GHR: variants seen among roughly 807,000 people sequenced by gnomAD.
The protein encoded by GHR is growth hormone receptor.
Under a neutral mutation model 67.1 loss-of-function variants are expected in GHR, and 35 were observed. That is an observed-to-expected ratio of 0.52 (90% CI 0.40 to 0.69). GHR has a LOEUF of 0.69. Among genes scored for constraint, GHR ranks in the 30% least tolerant of loss-of-function variants. The pLI, the probability that GHR is intolerant of heterozygous loss-of-function variation, is 0.00. For missense variants in GHR, 792 were observed against 764.6 expected, an observed-to-expected ratio of 1.04 and a Z score of -0.42; for synonymous variants, 272 against 269.1, an observed-to-expected ratio of 1.01 and a Z score of -0.10.
chr5:42,534,274 A>ATG (rs1748135124), intron 1 of GHR, among the ~76,000 whole-genome samples: 2 of 136,204 alleles, frequency 1.5e-5, no homozygotes, highest in African/African-American at 3.0e-5. Flanking sequence ...ATATGTGTAT[A>ATG]TATGTATATA....
intron 1 of GHR, among the ~76,000 whole-genome samples, chr5:42,489,988 A>G (rs912833587): frequency 6.6e-6 from 1 of 152,256 alleles, no homozygotes; most frequent in Non-Finnish European, 1.5e-5. Flanking sequence ...AAGAAAATAT[A>G]GCAAGAACAT....
intron 1 of GHR, among the ~76,000 whole-genome samples, chr5:42,552,629 C>A (rs1749096303): frequency 1.3e-5 from 2 of 152,144 alleles, no homozygotes; most frequent in South Asian, 4.1e-4. Flanking sequence ...GCCAATACAC[C>A]AAAATGCCAA....
At position 42,718,323 on chromosome 5, in the gene GHR, A is replaced by G. The variant is rs1758824508; in HGVS notation, c.946-130A>G. On this transcript the variant is annotated intron_variant, in intron 9 of 9. Coordinates refer to ENST00000230882, the MANE Select transcript of GHR (RefSeq NM_000163.5). ...TATTTAAAAAGTTACACACTAATTT[A>G]TGTTTTTTTATATGTTTTGTTACTG... 6 of 716,484 alleles carry G rather than the reference A, an allele frequency of 8.4e-6. No homozygotes were observed. The East Asian group carries it at 8.6e-5, about 10-fold the overall frequency. 44.4% of individuals were successfully genotyped at this position (716,484 alleles called of 1,614,324 possible). A position where few individuals can be genotyped will look rare whatever the true frequency, so the allele number is the denominator to read the frequency against.
Position 42,719,425 on chromosome 5 carries a change from C to G in GHR, c.*1C>G. The stretch of plus-strand genomic sequence containing the variant: ...CCAACTGAACAAAATCATGCCTTAG[C>G]CTTTCTTTGGTTTCCCAAGAGCTAC... On this transcript the variant is annotated 3_prime_UTR_variant, in exon 10 of 10. Coordinates refer to ENST00000230882, the MANE Select transcript of GHR (RefSeq NM_000163.5). 1.9e-6 allele frequency: 3 copies of G among 1,611,770 alleles called. No individual in the cohort carries two copies. Among genetic ancestry groups the G allele is most frequent in the Non-Finnish European group, 2.5e-6 (3 of 1,179,712 alleles).
rs72753088 is a variant in GHR, at chr5:42,467,719, A to G, written c.-12+43764A>G. ...GGCCTTCCCACACTCATGACATTCA[A>G]AAGGTTTCTCCCCGGTGTGGATTCT... is the stretch of plus-strand genomic sequence containing the variant. On this transcript the variant is annotated intron_variant, in intron 1 of 9. Coordinates refer to ENST00000230882, the MANE Select transcript of GHR (RefSeq NM_000163.5). 12,540 of 1,569,948 alleles carry G rather than the reference A, an allele frequency of 8.0e-3. 77 individuals are homozygous for G. Among genetic ancestry groups the G allele is most frequent in the Non-Finnish European group, 0.01 (11,848 of 1,141,692 alleles).
intron 1 of GHR, among the ~76,000 whole-genome samples, chr5:42,476,983 T>G (rs1459642256): frequency 1.3e-5 from 2 of 151,960 alleles, no homozygotes; most frequent in Non-Finnish European, 2.9e-5. Context: ...CTGCACCCAT[T>G]AACTCGTCAT....
intron 6 of GHR, among the ~76,000 whole-genome samples, chr5:42,710,264 G>A (rs1277978776): frequency 6.6e-6 from 1 of 152,158 alleles, no homozygotes; most frequent in Non-Finnish European, 1.5e-5. Flanking sequence ...TGAAGGCCCA[G>A]CTGCTGACTT....
intron 3 of GHR, among the ~76,000 whole-genome samples, chr5:42,635,192 C>G (rs1388765050): frequency 2.0e-5 from 3 of 152,156 alleles, no homozygotes; most frequent in Admixed American, 6.5e-5. Flanking sequence ...TGTTGGCTCT[C>G]TCTTGTACCC....
At chr5:42,682,211 T>C (rs1210822405) in intron 3 of GHR, among the ~76,000 whole-genome samples, 1 of 152,196 alleles carries the variant, frequency 6.6e-6, no homozygotes, top group Non-Finnish European at 1.5e-5. Flanking sequence ...CTTAACTCAT[T>C]GTTCTTAGTG....
intron 1 of GHR, among the ~76,000 whole-genome samples, chr5:42,466,195 G>A (rs755324267): frequency 6.6e-6 from 1 of 152,054 alleles, no homozygotes; most frequent in African/African-American, 2.4e-5. Context: ...ATCAATCCTT[G>A]AGGGCTTGGC....
intron 4 of GHR, among the ~76,000 whole-genome samples, chr5:42,692,249 T>C (rs1413141708): frequency 6.6e-6 from 1 of 152,076 alleles, no homozygotes; most frequent in Non-Finnish European, 1.5e-5. Flanking sequence ...ATTACTTTTA[T>C]CTAGTTGGTT....
At chr5:42,429,813 G>A (rs1028292096) in intron 1 of GHR, among the ~76,000 whole-genome samples, 1 of 152,148 alleles carries the variant, frequency 6.6e-6, no homozygotes, top group African/African-American at 2.4e-5. Flanking sequence ...GACAGGTAGG[G>A]ACTATGATGT....
rs1170136872 is a variant in GHR at position 42,576,058 on chromosome 5, A to G, written c.70+10114A>G. 3.0e-3 allele frequency among the ~76,000 whole-genome samples: 213 copies of G among 71,578 alleles called. 3 individuals are homozygous for G. The highest frequency in any genetic ancestry group is 0.018 in the African/African-American group (203 of 11,324). 47.0% of individuals were successfully genotyped at this position (71,578 alleles called of 152,430 possible). A position where few individuals can be genotyped will look rare whatever the true frequency, so the allele number is the denominator to read the frequency against. ...CAGAAAATTAAAATAATAAAATAAAATAAAATAAAATAAAATAAAATAAAA... is the reference window on the plus strand; with the variant it reads ...CAGAAAATTAAAATAATAAAATAAAGTAAAATAAAATAAAATAAAATAAAA... On this transcript the variant is annotated intron_variant, in intron 2 of 9. Coordinates refer to ENST00000230882, the MANE Select transcript of GHR (RefSeq NM_000163.5).
intron 1 of GHR, among the ~76,000 whole-genome samples, chr5:42,541,800 A>T (rs977484599): frequency 6.6e-6 from 1 of 152,180 alleles, no homozygotes; most frequent in Non-Finnish European, 1.5e-5. Flanking sequence ...CTTATGGGGT[A>T]TCAGTGAAAG....
chr5:42,613,935 T>C (rs1408875220), intron 2 of GHR, among the ~76,000 whole-genome samples: 1 of 152,066 alleles, frequency 6.6e-6, no homozygotes, highest in East Asian at 1.9e-4. Context: ...CCAAATAGAA[T>C]TTTCACAAGT....
chr5:42,601,190 G>A (rs1487256639), intron 2 of GHR, among the ~76,000 whole-genome samples: 1 of 151,994 alleles, frequency 6.6e-6, no homozygotes, highest in African/African-American at 2.4e-5. Flanking sequence ...GCCTCCCAAA[G>A]TGCTGGGATT....
At chr5:42,534,680 G>A (rs1748176880) in intron 1 of GHR, among the ~76,000 whole-genome samples, 1 of 151,968 alleles carries the variant, frequency 6.6e-6, no homozygotes, top group Non-Finnish European at 1.5e-5. Flanking sequence ...ATACCCAGTA[G>A]TGAGATTGCT....
At chr5:42,432,368 A>C (rs1170576042) in intron 1 of GHR, among the ~76,000 whole-genome samples, 1 of 152,238 alleles carries the variant, frequency 6.6e-6, no homozygotes. Context: ...GAAAAGGTGC[A>C]TAATTGATGC....
intron 1 of GHR, among the ~76,000 whole-genome samples, chr5:42,480,332 G>A (rs914940039): frequency 1.3e-5 from 2 of 152,196 alleles, no homozygotes; most frequent in Non-Finnish European, 2.9e-5. Flanking sequence ...TGGAATAGGT[G>A]TGGTATGGTG....
Sources: gnomAD v4.1 joint callset for allele counts (sites outside exome capture counted in the v4.1 genomes callset) on GRCh38, gnomAD v4.1.1 for gene constraint, MANE v1.5 for transcripts, NCBI Gene and HGNC (gene_info 2026-07-23, HGNC 2026-07-21) for gene names.